GTF2B: variants seen among roughly 807,000 people sequenced by gnomAD.
The protein encoded by GTF2B is general transcription factor IIB, also known as transcription initiation factor IIB.
GTF2B carries 20 observed loss-of-function variants against 34.6 expected under a neutral mutation model. The observed-to-expected ratio is 0.58, with a 90% CI of 0.41 to 0.84. The LOEUF is 0.84. GTF2B is among the 40% of genes least tolerant of loss of function. The probability of loss-of-function intolerance (pLI) is 0.00; values close to 1 mark genes in which losing one functional copy is unlikely to be tolerated. For missense variants in GTF2B, 237 were observed against 393.3 expected, an observed-to-expected ratio of 0.60 and a Z score of 3.36; for synonymous variants, 142 against 132.4, an observed-to-expected ratio of 1.07 and a Z score of -0.50.
At chr1:88,889,237 A>G (rs1346923242) in intron 1 of GTF2B, among the ~76,000 whole-genome samples, 4 of 152,292 alleles carry the variant, frequency 2.6e-5, no homozygotes, top group Non-Finnish European at 1.5e-5. Context: ...GTCTATTGCA[A>G]TTTTGCTTTT....
intron 5 of GTF2B, chr1:88,858,912 G>C (rs1417886848): frequency 2.7e-5 from 4 of 149,584 alleles, no homozygotes; most frequent in Non-Finnish European, 4.4e-5. Flanking sequence ...CTGTCGCCCA[G>C]GCTGGAGTGT....
chr1:88,876,192 A>T (rs1030855964), intron 2 of GTF2B, among the ~76,000 whole-genome samples: 1 of 152,174 alleles, frequency 6.6e-6, no homozygotes, highest in African/African-American at 2.4e-5. Flanking sequence ...ATGAAACCTG[A>T]TTTTTTCCTT....
In GTF2B at chr1:88,856,288, AAAC is replaced by A. The variant is rs1557652127; in HGVS notation, c.817+915_817+917del. 4.6e-4 allele frequency among the ~76,000 whole-genome samples: 44 copies of A among 94,670 alleles called. 6 individuals are homozygous for A. Among genetic ancestry groups the A allele is most frequent in the African/African-American group, 1.1e-3 (16 of 14,054 alleles). 62.1% of individuals were successfully genotyped at this position (94,670 alleles called of 152,430 possible). A position where few individuals can be genotyped will look rare whatever the true frequency, so the allele number is the denominator to read the frequency against. ...TTTCAAAAACAAAAAAAAAAAAAAA[AAAC>A]AAAAAAAAAAAAGGAAAAGAAATTC... On this transcript the variant is annotated intron_variant, in intron 6 of 6. Coordinates refer to ENST00000370500, the MANE Select transcript of GTF2B (RefSeq NM_001514.6).
chr1:88,891,461 G>C (rs1487955690), intron 1 of GTF2B, 22 bp downstream of exon 1: 1 of 1,595,328 alleles, frequency 6.3e-7, no homozygotes, highest in South Asian at 1.1e-5. Flanking sequence ...TCAGCTCGCC[G>C]GGCTCGGCGG....
chr1:88,886,192 C>T (rs1674064497), intron 2 of GTF2B, among the ~76,000 whole-genome samples: 1 of 152,222 alleles, frequency 6.6e-6, no homozygotes, highest in African/African-American at 2.4e-5. Context: ...TACTTTAAAA[C>T]TCCCACTATA....
At chr1:88,891,178 G>A (rs1335304027) in intron 1 of GTF2B, among the ~76,000 whole-genome samples, 2 of 150,094 alleles carry the variant, frequency 1.3e-5, no homozygotes, top group African/African-American at 2.5e-5. Flanking sequence ...AAAATAAAGG[G>A]AGATTGAAAT....
intron 2 of GTF2B, among the ~76,000 whole-genome samples, chr1:88,869,224 T>C (rs1219187045): frequency 6.6e-6 from 1 of 152,220 alleles, no homozygotes; most frequent in East Asian, 1.9e-4. Context: ...ATTTAAAGTA[T>C]ATGGGAGGAT....
intron 3 of GTF2B, 64 bp downstream of exon 3, chr1:88,863,917 T>C (rs1673494811): frequency 6.7e-7 from 1 of 1,502,448 alleles, no homozygotes; most frequent in Non-Finnish European, 9.2e-7. Context: ...TTTTGCAAAG[T>C]TCCCAAACTC....
chr1:88,882,992 C>A (rs1416776692), intron 2 of GTF2B, among the ~76,000 whole-genome samples: 6 of 152,164 alleles, frequency 3.9e-5, no homozygotes, highest in Non-Finnish European at 8.8e-5. Flanking sequence ...TAGCTTGAGC[C>A]TGGAAAATAT....
intron 2 of GTF2B, among the ~76,000 whole-genome samples, chr1:88,876,520 A>T (rs748320338): frequency 6.6e-6 from 1 of 152,070 alleles, no homozygotes; most frequent in Non-Finnish European, 1.5e-5. Flanking sequence ...AATATTAATA[A>T]TTTTTTAAAA....
At chr1:88,866,488 AGCT>A (rs1315754474) in intron 2 of GTF2B, among the ~76,000 whole-genome samples, 1 of 152,114 alleles carries the variant, frequency 6.6e-6, no homozygotes, top group Non-Finnish European at 1.5e-5. Context: ...GGCTCACTGC[AGCT>A]TTTGCCTCTG....
chr1:88,877,706 T>C (rs965632359), intron 2 of GTF2B, among the ~76,000 whole-genome samples: 1 of 152,156 alleles, frequency 6.6e-6, no homozygotes, highest in Non-Finnish European at 1.5e-5. Flanking sequence ...CCGAGGCACG[T>C]GTATCACTTG....
chr1:88,881,470 T>C (rs939439541), intron 2 of GTF2B, among the ~76,000 whole-genome samples: 1 of 152,236 alleles, frequency 6.6e-6, no homozygotes, highest in Non-Finnish European at 1.5e-5. Flanking sequence ...TTATGTCATA[T>C]ATTGATTTAT....
intron 2 of GTF2B, among the ~76,000 whole-genome samples, chr1:88,877,163 A>G (rs1346597007): frequency 6.6e-6 from 1 of 152,220 alleles, no homozygotes; most frequent in Admixed American, 6.6e-5. Flanking sequence ...GCTGACTCTT[A>G]ATGCCCATTT....
intron 2 of GTF2B, among the ~76,000 whole-genome samples, chr1:88,868,641 C>T (rs1007932052): frequency 3.3e-5 from 5 of 152,162 alleles, no homozygotes; most frequent in African/African-American, 1.2e-4. Context: ...TGTCAAAAGT[C>T]ACTTGCACCA....
intron 2 of GTF2B, among the ~76,000 whole-genome samples, chr1:88,878,318 G>C (rs1005768879): frequency 6.6e-6 from 1 of 152,138 alleles, no homozygotes; most frequent in African/African-American, 2.4e-5. Flanking sequence ...GTCACTACCA[G>C]TATCTCAAGG....
intron 2 of GTF2B, among the ~76,000 whole-genome samples, chr1:88,880,028 C>T (rs1400686140): frequency 6.6e-6 from 1 of 151,792 alleles, no homozygotes; most frequent in African/African-American, 2.4e-5. Context: ...CACTGCACTC[C>T]AGCCTGGGCG....
At chr1:88,870,422 T>C (rs1250698301) in intron 2 of GTF2B, among the ~76,000 whole-genome samples, 1 of 152,206 alleles carries the variant, frequency 6.6e-6, no homozygotes, top group East Asian at 1.9e-4. Context: ...CTATATATTA[T>C]TTTGGGAATC....
At position 88,857,691 on chromosome 1, in the gene GTF2B, C is replaced by CTTTTTTTTTTTTTTTTTTTTTT. The variant is rs368010048; in HGVS notation, c.536-205_536-204insAAAAAAAAAAAAAAAAAAAAAA. Among the ~76,000 whole-genome samples the CTTTTTTTTTTTTTTTTTTTTTT allele has an allele frequency of 1.8e-5, 2 of 108,152 alleles. 1 individual carries two copies. 71.0% of individuals were successfully genotyped at this position (108,152 alleles called of 152,430 possible). On this transcript the variant is annotated intron_variant, in intron 5 of 6. Coordinates refer to ENST00000370500, the MANE Select transcript of GTF2B (RefSeq NM_001514.6). ...CAGTTAACTTTAATGTTCATCACACCTTTTTTTTTGAGATGAAGTCTCACT... is the reference window on the plus strand; with the variant it reads ...CAGTTAACTTTAATGTTCATCACACCTTTTTTTTTTTTTTTTTTTTTTTTTTTTTTTGAGATGAAGTCTCACT...
Sources: allele counts gnomAD v4.1 joint callset (sites outside exome capture counted in the v4.1 genomes callset), GRCh38; gene constraint gnomAD v4.1.1; transcripts MANE v1.5; gene names NCBI Gene and HGNC (gene_info 2026-07-23, HGNC 2026-07-21).